Variants in CHSY3 observed in about 807,000 individuals in gnomAD.
CHSY3 encodes the protein N-acetylgalactosaminyl-proteoglycan 3-beta-glucuronosyltransferase 3.
CHSY3 carries 35 observed loss-of-function variants against 67.2 expected under a neutral mutation model. The observed-to-expected ratio is 0.52, with a 90% confidence interval of 0.40 to 0.69. CHSY3 has a LOEUF of 0.69. CHSY3 is among the 30% of genes least tolerant of loss of function. The pLI is 0.00. For synonymous variants in CHSY3, 474 were observed against 434.7 expected (o/e 1.09, Z -1.12); for missense variants, 1,069 against 1,138.5 (o/e 0.94, Z 0.88).
chr5:130,073,942 T>C (rs1475084761), intron 2 of CHSY3, among the ~76,000 whole-genome samples: 2 of 152,214 alleles, frequency 1.3e-5, no homozygotes, highest in Non-Finnish European at 2.9e-5. Context: ...AAGAGCGATA[T>C]TCTTCCAAGT....
At chr5:130,016,717 G>A (rs1291926096) in intron 2 of CHSY3, among the ~76,000 whole-genome samples, 1 of 152,112 alleles carries the variant, frequency 6.6e-6, no homozygotes, top group Non-Finnish European at 1.5e-5. Context: ...CCAATTAGTG[G>A]TATTATTAAT....
At chr5:129,981,050 CA>C (rs71000945) in intron 2 of CHSY3, among the ~76,000 whole-genome samples, 1,657 of 130,870 alleles carry the variant, frequency 0.013, 23 homozygotes, top group African/African-American at 0.045. Context: ...ACTGAAAATA[CA>C]AAAAAAAAAA....
At chr5:130,085,741 G>A (rs917591134) in intron 2 of CHSY3, among the ~76,000 whole-genome samples, 1 of 151,978 alleles carries the variant, frequency 6.6e-6, no homozygotes, top group Admixed American at 6.6e-5. Context: ...TCTCTTGTGG[G>A]CATTTAGTGC....
intron 1 of CHSY3, 123 bp downstream of exon 1, chr5:129,905,754 A>T: frequency 6.6e-7 from 1 of 1,509,518 alleles, no homozygotes. Context: ...GGGCTCCCAC[A>T]GGCCCTGGCC....
chr5:130,163,966 G>A (rs184728701), intron 2 of CHSY3, among the ~76,000 whole-genome samples: 20 of 152,204 alleles, frequency 1.3e-4, no homozygotes, highest in African/African-American at 4.6e-4. Context: ...TATGCAAGAA[G>A]GTGAAAACTC....
chr5:129,950,228 A>C (rs934273491), intron 2 of CHSY3, among the ~76,000 whole-genome samples: 1 of 152,074 alleles, frequency 6.6e-6, no homozygotes, highest in Non-Finnish European at 1.5e-5. Flanking sequence ...AAAATTCAAC[A>C]TCCTTTCATG....
At chr5:130,159,261 C>A (rs868810927) in intron 2 of CHSY3, among the ~76,000 whole-genome samples, 2 of 145,136 alleles carry the variant, frequency 1.4e-5, no homozygotes, top group African/African-American at 5.1e-5. Context: ...CCTCCCAGGG[C>A]TCAGGTGATC....
chr5:129,940,729 G>A (rs987978909), intron 2 of CHSY3, among the ~76,000 whole-genome samples: 4 of 151,854 alleles, frequency 2.6e-5, no homozygotes, highest in African/African-American at 9.7e-5. Context: ...CAGGTGTATA[G>A]ATCTGTGTGA....
intron 2 of CHSY3, among the ~76,000 whole-genome samples, chr5:130,146,541 G>A (rs1468809521): frequency 6.6e-6 from 1 of 152,084 alleles, no homozygotes; most frequent in Admixed American, 6.6e-5. Context: ...CTATTATACA[G>A]TAGAGTTAAC....
intron 2 of CHSY3, among the ~76,000 whole-genome samples, chr5:130,088,218 C>T (rs1166973066): frequency 6.6e-6 from 1 of 151,998 alleles, no homozygotes; most frequent in Admixed American, 6.6e-5. Flanking sequence ...AAAATTAATT[C>T]AAGATGGATT....
At chr5:130,117,491 C>T (rs1767849163) in intron 2 of CHSY3, among the ~76,000 whole-genome samples, 1 of 152,172 alleles carries the variant, frequency 6.6e-6, no homozygotes, top group East Asian at 1.9e-4. Context: ...CTCTTTGCAG[C>T]TTCATTAGAG....
At chr5:129,990,188 A>G (rs1763320669) in intron 2 of CHSY3, among the ~76,000 whole-genome samples, 2 of 152,172 alleles carry the variant, frequency 1.3e-5, no homozygotes, top group African/African-American at 4.8e-5. Flanking sequence ...CAGATTTATT[A>G]TAATGTAAAA....
intron 2 of CHSY3, among the ~76,000 whole-genome samples, chr5:130,144,945 C>T (rs1056774278): frequency 1.3e-5 from 2 of 152,118 alleles, no homozygotes; most frequent in African/African-American, 4.8e-5. Context: ...AGGAAACTTA[C>T]AATCATGGTG....
intron 2 of CHSY3, among the ~76,000 whole-genome samples, chr5:130,037,307 G>A (rs1764888378): frequency 6.6e-6 from 1 of 152,098 alleles, no homozygotes; most frequent in Non-Finnish European, 1.5e-5. Flanking sequence ...TTAGAAAGCA[G>A]GATGAGGGAC....
intron 2 of CHSY3, among the ~76,000 whole-genome samples, chr5:130,066,158 T>A (rs1376562453): frequency 6.6e-6 from 1 of 152,120 alleles, no homozygotes; most frequent in Non-Finnish European, 1.5e-5. Flanking sequence ...TACTTCCTTT[T>A]CAATACTCCT....
At chr5:129,947,605 T>C (rs1175761822) in intron 2 of CHSY3, among the ~76,000 whole-genome samples, 2 of 144,548 alleles carry the variant, frequency 1.4e-5, no homozygotes, top group Non-Finnish European at 3.0e-5. Context: ...CCTGAGCACA[T>C]AGCGAGACTC....
At position 130,185,072 on chromosome 5, in the gene CHSY3, A is replaced by T; in HGVS notation, c.1930A>T (p.Met644Leu). ...GAGATTCATGGAGAACTTTGAAAAC[A>T]TGTGTCTTATCCCAAAGCAGAATGT... The part of the protein sequence containing the change: ...FLRFMENFEN[M>L]CLIPKQNVKL... Residue 644 changes from methionine (M) to leucine (L), a missense_variant, in exon 3 of 3, where the codon ATG becomes TTG. Met to Leu is a conservative substitution (Grantham distance 15). Transcript: ENST00000305031. 6.2e-6 allele frequency: 10 copies of T among 1,605,406 alleles called. No homozygotes were observed. The highest frequency in any genetic ancestry group is 8.5e-6 in the Non-Finnish European group (10 of 1,172,062).
chr5:130,020,456 TATA>T (rs1279646709), intron 2 of CHSY3, among the ~76,000 whole-genome samples: 4 of 2,474 alleles, frequency 1.6e-3, no homozygotes, highest in African/African-American at 3.7e-3. Flanking sequence ...TATATATATA[TATA>T]TATTTTTTTT....
chr5:130,079,689 T>C (rs1766383439), intron 2 of CHSY3, among the ~76,000 whole-genome samples: 1 of 152,104 alleles, frequency 6.6e-6, no homozygotes, highest in Non-Finnish European at 1.5e-5. Context: ...TCCCAAGTCT[T>C]GTTCTTTTAT....
Sources: allele counts gnomAD v4.1 joint callset (sites outside exome capture counted in the v4.1 genomes callset), GRCh38; gene constraint gnomAD v4.1.1; transcripts MANE v1.5; gene names NCBI Gene and HGNC (gene_info 2026-07-23, HGNC 2026-07-21).